The following PRKD1 variants were observed in gnomAD, a reference collection of about 807,000 sequenced individuals.
PRKD1 encodes the protein serine/threonine-protein kinase D1.
In PRKD1, 63 loss-of-function variants were observed where a neutral mutation model predicts 95.9. The ratio of observed to expected loss-of-function variants is 0.66; its 90% CI spans 0.54 to 0.81. PRKD1 has a LOEUF of 0.81. Among genes scored for constraint, PRKD1 ranks in the 30% least tolerant of loss-of-function variants. The pLI is 0.00. For missense variants in PRKD1, 1,048 were observed against 1,165.3 expected (o/e 0.90, Z 1.47); for synonymous variants, 425 against 423.1 (o/e 1.00, Z -0.05).
intron 13 of PRKD1, among the ~76,000 whole-genome samples, chr14:29,604,227 T>C (rs1893626109): frequency 6.6e-6 from 1 of 152,218 alleles, no homozygotes; most frequent in Admixed American, 6.5e-5. Flanking sequence ...TCTTTAAGTC[T>C]AACATTGTTG....
chr14:29,605,148 C>A (rs1202622958), intron 13 of PRKD1, among the ~76,000 whole-genome samples: 1 of 152,116 alleles, frequency 6.6e-6, no homozygotes, highest in Non-Finnish European at 1.5e-5. Context: ...GGATCCACCA[C>A]AGCATCCCAA....
Position 29,593,851 on chromosome 14 carries a change from A to G in PRKD1, c.2434+3640T>C, listed in dbSNP as rs1033146638. 9.9e-5 allele frequency among the ~76,000 whole-genome samples: 15 copies of G among 152,228 alleles called. 1 individual carries two copies. Among genetic ancestry groups the G allele is most frequent in the African/African-American group, 3.1e-4 (13 of 41,460 alleles). ...AAAGTATTAGCAGGCATATATGCAGAATGCCAGCACTCAGCTTACTAAATC... is the reference window on the plus strand; with the variant it reads ...AAAGTATTAGCAGGCATATATGCAGGATGCCAGCACTCAGCTTACTAAATC... On this transcript the variant is annotated intron_variant, in intron 16 of 17. Coordinates refer to ENST00000331968, the MANE Select transcript of PRKD1 (RefSeq NM_002742.3).
intron 1 of PRKD1, among the ~76,000 whole-genome samples, chr14:29,913,507 T>C (rs897114270): frequency 6.6e-6 from 1 of 152,156 alleles, no homozygotes; most frequent in Non-Finnish European, 1.5e-5. Flanking sequence ...CCATCCTCAC[T>C]CTATGTTTAC....
At chr14:29,658,832 T>C (rs1882036500) in intron 4 of PRKD1, among the ~76,000 whole-genome samples, 1 of 152,222 alleles carries the variant, frequency 6.6e-6, no homozygotes, top group Admixed American at 6.5e-5. Flanking sequence ...TTATTTCCAA[T>C]GTAAATTTTA....
intron 14 of PRKD1, 32 bp downstream of exon 14, chr14:29,599,624 T>C: frequency 6.3e-7 from 1 of 1,577,692 alleles, no homozygotes. Flanking sequence ...TATTAAATAT[T>C]GTATTTTTTC....
intron 16 of PRKD1, among the ~76,000 whole-genome samples, chr14:29,596,155 T>C (rs1258536334): frequency 6.6e-6 from 1 of 152,220 alleles, no homozygotes; most frequent in South Asian, 2.1e-4. Context: ...TGATAATGGA[T>C]AGCTCTTGTC....
At chr14:29,835,570 A>C (rs1227050187) in intron 1 of PRKD1, among the ~76,000 whole-genome samples, 2 of 151,718 alleles carry the variant, frequency 1.3e-5, no homozygotes, top group Admixed American at 6.6e-5. Context: ...TTCTTTATTT[A>C]TTTATTTATT....
chr14:29,746,050 C>G (rs1003201828), intron 1 of PRKD1, among the ~76,000 whole-genome samples: 6 of 152,090 alleles, frequency 3.9e-5, no homozygotes, highest in African/African-American at 1.4e-4. Flanking sequence ...ACAGAGGTTA[C>G]AGCTCAGACA....
chr14:29,662,493 T>C (rs1882239403), intron 4 of PRKD1, among the ~76,000 whole-genome samples: 1 of 152,158 alleles, frequency 6.6e-6, no homozygotes, highest in South Asian at 2.1e-4. Context: ...CTTCTAGTTA[T>C]TGGTGAAATT....
intron 1 of PRKD1, among the ~76,000 whole-genome samples, chr14:29,831,157 G>T (rs1891394936): frequency 6.6e-6 from 1 of 152,168 alleles, no homozygotes; most frequent in Admixed American, 6.5e-5. Context: ...CTACGTGGTT[G>T]ATTTCATAAA....
intron 1 of PRKD1, among the ~76,000 whole-genome samples, chr14:29,920,231 T>C (rs1457219426): frequency 1.3e-5 from 2 of 152,040 alleles, no homozygotes; most frequent in Non-Finnish European, 2.9e-5. Context: ...ATTTAAGAAA[T>C]TGAAGTCTCA....
chr14:29,768,681 G>A (rs1166719778), intron 1 of PRKD1, among the ~76,000 whole-genome samples: 1 of 149,184 alleles, frequency 6.7e-6, no homozygotes, highest in Non-Finnish European at 1.5e-5. Flanking sequence ...TTGTTTGTTT[G>A]TTCTACCTCT....
At chr14:29,617,689 A>G (rs1878959350) in intron 13 of PRKD1, among the ~76,000 whole-genome samples, 1 of 152,198 alleles carries the variant, frequency 6.6e-6, no homozygotes, top group Admixed American at 6.5e-5. Flanking sequence ...GAAAATAAAA[A>G]TTAGTTTTGG....
intron 1 of PRKD1, among the ~76,000 whole-genome samples, chr14:29,826,369 T>C (rs1226669248): frequency 2.2e-5 from 1 of 44,934 alleles, no homozygotes; most frequent in African/African-American, 9.5e-5. Flanking sequence ...AATATATATA[T>C]ACATATATAT....
At position 29,623,416 on chromosome 14, in the gene PRKD1, G is replaced by T. The variant is rs578152488; in HGVS notation, c.1905+736C>A. Among the ~76,000 whole-genome samples the T allele has an allele frequency of 3.1e-3, 466 of 152,224 alleles. 2 individuals are homozygous for T. Among genetic ancestry groups the T allele is most frequent in the African/African-American group, 0.011 (451 of 41,524 alleles). On this transcript the variant is annotated intron_variant, in intron 13 of 17. Coordinates refer to ENST00000331968, the MANE Select transcript of PRKD1 (RefSeq NM_002742.3). ...CGAAAAAAAATTGTCCGTTAAAACT[G>T]GGAATTAAAAATTATGACATGCTTG...
intron 2 of PRKD1, among the ~76,000 whole-genome samples, chr14:29,709,687 G>A (rs1240174901): frequency 6.6e-6 from 1 of 152,162 alleles, no homozygotes; most frequent in Non-Finnish European, 1.5e-5. Flanking sequence ...TAAAGCAGGA[G>A]AAGGCTGATG....
intron 13 of PRKD1, among the ~76,000 whole-genome samples, chr14:29,614,495 T>A (rs1476999636): frequency 2.0e-5 from 3 of 152,152 alleles, no homozygotes; most frequent in Non-Finnish European, 4.4e-5. Flanking sequence ...GAACTAAATT[T>A]AATTCGATTT....
At chr14:29,642,868 A>G (rs770946393) in intron 4 of PRKD1, among the ~76,000 whole-genome samples, 1 of 151,136 alleles carries the variant, frequency 6.6e-6, no homozygotes, top group Non-Finnish European at 1.5e-5. Flanking sequence ...CTCTATTCCA[A>G]TTTGGCCCCA....
intron 1 of PRKD1, among the ~76,000 whole-genome samples, chr14:29,764,863 C>G (rs1566587390): frequency 6.6e-6 from 1 of 152,152 alleles, no homozygotes; most frequent in Admixed American, 6.5e-5. Flanking sequence ...ACCTGGATGG[C>G]CTTACTAGTG....
Sources: allele counts gnomAD v4.1 joint callset (sites outside exome capture counted in the v4.1 genomes callset), GRCh38; gene constraint gnomAD v4.1.1; transcripts MANE v1.5; gene names NCBI Gene and HGNC (gene_info 2026-07-23, HGNC 2026-07-21).